Variants in PTPRG observed in about 807,000 individuals in gnomAD.
The protein encoded by PTPRG is receptor-type tyrosine-protein phosphatase gamma.
Under a neutral mutation model 165.3 loss-of-function variants are expected in PTPRG, and 102 were observed. That is an observed-to-expected ratio of 0.62 (90% CI 0.53 to 0.73). The LOEUF (loss-of-function observed/expected upper bound fraction) is 0.73. Ranked by LOEUF, PTPRG falls within the 30% of genes least tolerant of loss-of-function variation. PTPRG has a pLI of 0.00. For missense variants in PTPRG, 1,866 were observed against 1,861.4 expected (o/e 1.00, Z -0.05); for synonymous variants, 675 against 669.5 (o/e 1.01, Z -0.13).
At chr3:61,836,824 A>T (rs1479944429) in intron 2 of PTPRG, among the ~76,000 whole-genome samples, 1 of 151,926 alleles carries the variant, frequency 6.6e-6, no homozygotes, top group East Asian at 1.9e-4. Context: ...GGCTCACTGC[A>T]ACCTCTGCCT....
At chr3:62,165,708 T>C (rs1349519171) in intron 7 of PTPRG, among the ~76,000 whole-genome samples, 4 of 152,194 alleles carry the variant, frequency 2.6e-5, no homozygotes, top group Non-Finnish European at 5.9e-5. Flanking sequence ...TTCCATGGTT[T>C]ATTATCATTT....
chr3:62,191,297 C>T (rs1699811904), intron 8 of PTPRG, among the ~76,000 whole-genome samples, 172 bp from the exon 9 acceptor site: 1 of 150,314 alleles, frequency 6.7e-6, no homozygotes, highest in East Asian at 2.1e-4. Context: ...AGAGGGAGAA[C>T]AATGTTCTCC....
At chr3:61,885,656 TCTCTCCTCTCCTCTCCTCTC>T (rs1559669033) in intron 2 of PTPRG, among the ~76,000 whole-genome samples, 41 of 45,684 alleles carry the variant, frequency 9.0e-4, no homozygotes, top group East Asian at 1.5e-3. Context: ...CTCTTTTCCT[TCTCTCCTCTCCTCTCCTCTC>T]CTCTCCTCTC....
chr3:61,712,323 G>A (rs952547474), intron 1 of PTPRG, among the ~76,000 whole-genome samples: 8 of 150,334 alleles, frequency 5.3e-5, no homozygotes, highest in African/African-American at 7.3e-5. Context: ...TTGTCACAGC[G>A]GCTTAAGACT....
chr3:61,716,594 G>A (rs975956631), intron 1 of PTPRG, among the ~76,000 whole-genome samples: 2 of 152,082 alleles, frequency 1.3e-5, no homozygotes, highest in African/African-American at 2.4e-5. Context: ...GTTGGGTTAT[G>A]AAGTGTCCTG....
chr3:61,770,686 A>C (rs905498831), intron 2 of PTPRG: 1 of 152,210 alleles, frequency 6.6e-6, no homozygotes, highest in African/African-American at 2.4e-5. Context: ...TGACTCTTAA[A>C]AATGGAAATT....
intron 20 of PTPRG, among the ~76,000 whole-genome samples, chr3:62,269,620 A>C (rs1244230534): frequency 1.3e-5 from 2 of 152,184 alleles, no homozygotes; most frequent in African/African-American, 4.8e-5. Flanking sequence ...ATATCCCCCC[A>C]GCATTTTAGA....
chr3:61,717,218 A>G (rs2031847295), intron 1 of PTPRG, among the ~76,000 whole-genome samples: 2 of 152,206 alleles, frequency 1.3e-5, no homozygotes, highest in South Asian at 2.1e-4. Context: ...GCCCACAGGA[A>G]AGAAAAATAG....
chr3:62,192,393 C>CTTTTTTTTTTT (rs71123255), intron 9 of PTPRG, among the ~76,000 whole-genome samples: 6 of 52,616 alleles, frequency 1.1e-4, no homozygotes, highest in Non-Finnish European at 1.5e-4. Context: ...CAACTACTGT[C>CTTTTTTTTTTT]TTTTTTTTTT....
intron 4 of PTPRG, among the ~76,000 whole-genome samples, chr3:62,075,230 A>G (rs1701344861): frequency 6.6e-6 from 1 of 152,224 alleles, no homozygotes; most frequent in African/African-American, 2.4e-5. Flanking sequence ...TGCATTAAAC[A>G]ATGCTGCTCC....
chr3:61,939,698 T>C (rs1337241174), intron 2 of PTPRG, among the ~76,000 whole-genome samples: 1 of 152,194 alleles, frequency 6.6e-6, no homozygotes, highest in African/African-American at 2.4e-5. Context: ...ATGTTAGATT[T>C]TATTATTTGA....
At chr3:62,272,682 T>C (rs900281546) in intron 21 of PTPRG, among the ~76,000 whole-genome samples, 9 of 152,074 alleles carry the variant, frequency 5.9e-5, no homozygotes, top group South Asian at 2.1e-4. Flanking sequence ...CTACTAAAGA[T>C]AAAAAATTAG....
intron 2 of PTPRG, among the ~76,000 whole-genome samples, chr3:61,859,217 G>A (rs1160554420): frequency 6.6e-6 from 1 of 151,974 alleles, no homozygotes; most frequent in Non-Finnish European, 1.5e-5. Flanking sequence ...TTTATAATGA[G>A]AATACCATTC....
intron 2 of PTPRG, among the ~76,000 whole-genome samples, chr3:61,751,950 G>A (rs751825196): frequency 2.1e-4 from 32 of 151,714 alleles, no homozygotes; most frequent in Non-Finnish European, 3.7e-4. Flanking sequence ...CCGAGATTGC[G>A]CCCACTGCAC....
At chr3:61,966,172 G>A (rs1298202827) in intron 2 of PTPRG, among the ~76,000 whole-genome samples, 1 of 152,178 alleles carries the variant, frequency 6.6e-6, no homozygotes, top group East Asian at 1.9e-4. Context: ...TGGTTATCGA[G>A]TTTAACTAAG....
chr3:61,562,159 A>G lies in PTPRG; in HGVS notation c.-129A>G, dbSNP rs1314959176. ...GATTCCAAGGGGACTCGGGCCGCCG[A>G]GCGCGGGGGGCCCGTGGAGCGGGCG... On this transcript the variant is annotated 5_prime_UTR_variant, in exon 1 of 30. Transcript: ENST00000474889. 4.9e-6 allele frequency: 3 copies of G among 607,658 alleles called. No individual in the cohort carries two copies. The highest frequency in any genetic ancestry group is 8.4e-6 in the Non-Finnish European group (3 of 357,230). 37.6% of individuals were successfully genotyped at this position (607,658 alleles called of 1,614,324 possible).
intron 1 of PTPRG, among the ~76,000 whole-genome samples, chr3:61,589,968 T>C (rs1287070764): frequency 6.6e-6 from 1 of 151,970 alleles, no homozygotes; most frequent in Non-Finnish European, 1.5e-5. Context: ...TGGTGAGAAG[T>C]TGAGGAGTTA....
chr3:62,092,416 G>T (rs1701968969), intron 5 of PTPRG, among the ~76,000 whole-genome samples: 1 of 138,034 alleles, frequency 7.2e-6, no homozygotes, highest in African/African-American at 2.9e-5. Flanking sequence ...CTCCAACCTG[G>T]GCAACAGAGC....
At chr3:61,816,994 T>C (rs1320126100) in intron 2 of PTPRG, among the ~76,000 whole-genome samples, 1 of 127,950 alleles carries the variant, frequency 7.8e-6, no homozygotes, top group Non-Finnish European at 1.6e-5. Flanking sequence ...ATTATATATA[T>C]ATTATATAAT....
Sources: gnomAD v4.1 joint callset for allele counts (sites outside exome capture counted in the v4.1 genomes callset) on GRCh38, gnomAD v4.1.1 for gene constraint, MANE v1.5 for transcripts, NCBI Gene and HGNC (gene_info 2026-07-23, HGNC 2026-07-21) for gene names.